The following KIAA1328 variants were observed in gnomAD, a reference collection of about 807,000 sequenced individuals.
KIAA1328 encodes protein hinderin.
Under a neutral mutation model 68.1 loss-of-function variants are expected in KIAA1328, and 52 were observed. The ratio of observed to expected loss-of-function variants is 0.76; its 90% CI spans 0.61 to 0.96. The LOEUF (loss-of-function observed/expected upper bound fraction) is 0.96. Ranked by LOEUF, KIAA1328 falls within the 40% of genes least tolerant of loss-of-function variation. The pLI is 0.00. For synonymous variants in KIAA1328, 232 were observed against 239.4 expected, an observed-to-expected ratio of 0.97 and a Z score of 0.28; for missense variants, 641 against 677.6, an observed-to-expected ratio of 0.95 and a Z score of 0.60.
At chr18:36,998,828 T>C (rs1378285934) in intron 6 of KIAA1328, among the ~76,000 whole-genome samples, 1 of 152,156 alleles carries the variant, frequency 6.6e-6, no homozygotes. Flanking sequence ...GCGACTACTG[T>C]GCCACATGTG....
At chr18:37,027,869 G>A (rs561821154) in intron 6 of KIAA1328, among the ~76,000 whole-genome samples, 3,543 of 152,118 alleles carry the variant, frequency 0.023, 49 homozygotes, top group Non-Finnish European at 0.038. Flanking sequence ...TTGACAAATG[G>A]GATCTAATTA....
chr18:37,005,446 A>G (rs1382690347), intron 6 of KIAA1328, among the ~76,000 whole-genome samples: 1 of 137,952 alleles, frequency 7.2e-6, no homozygotes, highest in Admixed American at 7.4e-5. Context: ...AAAAAAAAAA[A>G]CAAGTAGCAG....
At chr18:37,171,710 C>T (rs1295522077) in intron 8 of KIAA1328, among the ~76,000 whole-genome samples, 2 of 152,066 alleles carry the variant, frequency 1.3e-5, no homozygotes, top group Non-Finnish European at 2.9e-5. Flanking sequence ...TTTACATCTA[C>T]GCATAATAGA....
intron 7 of KIAA1328, among the ~76,000 whole-genome samples, chr18:37,068,324 G>A (rs1365605459): frequency 6.6e-6 from 1 of 152,086 alleles, no homozygotes; most frequent in Non-Finnish European, 1.5e-5. Flanking sequence ...AACCCTTTCT[G>A]GCCATGAAGC....
At chr18:37,097,834 C>A (rs2057460305) in intron 7 of KIAA1328, among the ~76,000 whole-genome samples, 1 of 152,124 alleles carries the variant, frequency 6.6e-6, no homozygotes, top group African/African-American at 2.4e-5. Flanking sequence ...CTCTTTGAAG[C>A]AATTGTGAAT....
At chr18:37,052,703 G>T (rs1011828089) in intron 6 of KIAA1328, among the ~76,000 whole-genome samples, 3 of 151,974 alleles carry the variant, frequency 2.0e-5, no homozygotes, top group African/African-American at 4.8e-5. Flanking sequence ...CACCAATAAC[G>T]TTCAAGCAGA....
At chr18:36,998,224 C>T (rs1057442871) in intron 6 of KIAA1328, among the ~76,000 whole-genome samples, 1 of 152,190 alleles carries the variant, frequency 6.6e-6, no homozygotes, top group African/African-American at 2.4e-5. Context: ...AAGCACTGCT[C>T]CTAGAGGCCA....
chr18:37,226,547 A>G (rs2060638938), downstream of KIAA1328, among the ~76,000 whole-genome samples: 1 of 151,306 alleles, frequency 6.6e-6, no homozygotes. Context: ...ATGAAATCAT[A>G]TTCTATGTGG....
At chr18:36,877,796 A>G (rs1191718462) in intron 4 of KIAA1328, among the ~76,000 whole-genome samples, 1 of 150,584 alleles carries the variant, frequency 6.6e-6, no homozygotes, top group East Asian at 2.0e-4. Context: ...CCTCCCGAGT[A>G]GCTGGGACTA....
At chr18:36,840,241 T>C (rs2046814196) in intron 3 of KIAA1328, among the ~76,000 whole-genome samples, 1 of 152,140 alleles carries the variant, frequency 6.6e-6, no homozygotes, top group Admixed American at 6.5e-5. Context: ...TTGCCTGCTA[T>C]CCAATGAAAA....
At chr18:37,213,395 G>A (rs868152511) in intron 9 of KIAA1328, among the ~76,000 whole-genome samples, 19 of 152,098 alleles carry the variant, frequency 1.2e-4, no homozygotes, top group African/African-American at 2.2e-4. Context: ...GAGAATATGC[G>A]GTGTTTGGTT....
At chr18:37,086,120 A>C (rs972972852) in intron 7 of KIAA1328, among the ~76,000 whole-genome samples, 1 of 152,212 alleles carries the variant, frequency 6.6e-6, no homozygotes, top group Non-Finnish European at 1.5e-5. Context: ...CAAAGACTGC[A>C]AAGTTTCAGT....
intron 9 of KIAA1328, among the ~76,000 whole-genome samples, chr18:37,173,345 T>A (rs1568494563): frequency 6.6e-6 from 1 of 152,134 alleles, no homozygotes; most frequent in Non-Finnish European, 1.5e-5. Flanking sequence ...AGAAAGTCTG[T>A]TTAGCAGCAG....
chr18:36,957,517 A>G (rs1425301194), intron 5 of KIAA1328, among the ~76,000 whole-genome samples: 3 of 152,108 alleles, frequency 2.0e-5, no homozygotes, highest in African/African-American at 4.8e-5. Context: ...ACAACTGGCA[A>G]TTTTTAGGAG....
intron 6 of KIAA1328, among the ~76,000 whole-genome samples, chr18:37,038,671 T>G (rs1381947248): frequency 1.3e-5 from 2 of 152,186 alleles, no homozygotes; most frequent in Admixed American, 1.3e-4. Context: ...ATGTTTCACT[T>G]TCTTTTCATA....
intron 7 of KIAA1328, among the ~76,000 whole-genome samples, chr18:37,096,143 T>A (rs963416286): frequency 3.5e-4 from 53 of 152,166 alleles, no homozygotes; most frequent in Non-Finnish European, 6.2e-4. Flanking sequence ...TTTTTACATA[T>A]GTACACATGT....
intron 7 of KIAA1328, among the ~76,000 whole-genome samples, chr18:37,085,753 C>T (rs2057083669): frequency 6.6e-6 from 1 of 152,054 alleles, no homozygotes. Context: ...TATTTGCTCC[C>T]TCCTTTTCTC....
At chr18:37,174,914 G>T (rs1247721280) in intron 9 of KIAA1328, among the ~76,000 whole-genome samples, 1 of 152,010 alleles carries the variant, frequency 6.6e-6, no homozygotes, top group African/African-American at 2.4e-5. Context: ...CTCATGATCC[G>T]CCCGCCTTGG....
intron 8 of KIAA1328, among the ~76,000 whole-genome samples, chr18:37,167,284 G>T (rs73421152): frequency 6.6e-6 from 1 of 152,122 alleles, no homozygotes; most frequent in Non-Finnish European, 1.5e-5. Flanking sequence ...TAGGTGGCTC[G>T]TGTTAACCAG....
Sources: allele counts gnomAD v4.1 joint callset (sites outside exome capture counted in the v4.1 genomes callset), GRCh38; gene constraint gnomAD v4.1.1; transcripts MANE v1.5; gene names NCBI Gene and HGNC (gene_info 2026-07-23, HGNC 2026-07-21).